MAGI2: variants seen among roughly 807,000 people sequenced by gnomAD.
The protein encoded by MAGI2 is membrane associated guanylate kinase, WW and PDZ domain containing 2.
A neutral mutation model predicts 133.3 loss-of-function variants in MAGI2; 35 were observed. The ratio of observed to expected loss-of-function variants is 0.26; its 90% CI spans 0.20 to 0.35. The LOEUF is 0.35. MAGI2 is among the 10% of genes least tolerant of loss of function. The probability of loss-of-function intolerance (pLI) is 1.00; values close to 1 mark genes in which losing one functional copy is unlikely to be tolerated. For missense variants in MAGI2, 1,636 were observed against 1,863.4 expected (o/e 0.88, Z 2.25); for synonymous variants, 729 against 710.6 (o/e 1.03, Z -0.41).
chr7:78,104,228 G>C (rs1818451558), intron 20 of MAGI2, among the ~76,000 whole-genome samples: 1 of 152,108 alleles, frequency 6.6e-6, no homozygotes, highest in African/African-American at 2.4e-5. Flanking sequence ...GATGGGGAGA[G>C]GGGCTGTTCA....
chr7:78,346,433 C>G (rs1790913140), intron 7 of MAGI2, among the ~76,000 whole-genome samples: 1 of 152,120 alleles, frequency 6.6e-6, no homozygotes, highest in African/African-American at 2.4e-5. Context: ...TTTGCAAAGT[C>G]CCCATATCCA....
At chr7:78,952,584 T>C (rs575845688) in intron 2 of MAGI2, among the ~76,000 whole-genome samples, 4 of 152,302 alleles carry the variant, frequency 2.6e-5, no homozygotes, top group African/African-American at 9.6e-5. Flanking sequence ...CTTAAGCAGT[T>C]GAAACAAATA....
chr7:78,841,329 G>A (rs535355), intron 2 of MAGI2, among the ~76,000 whole-genome samples: 86,937 of 151,908 alleles, frequency 0.57, 25,492 homozygotes, highest in East Asian at 0.73. Context: ...CTAAGTTGGG[G>A]TGGCATGGCT....
intron 6 of MAGI2, among the ~76,000 whole-genome samples, chr7:78,464,355 G>A (rs1790393438): frequency 6.6e-6 from 1 of 151,980 alleles, no homozygotes; most frequent in African/African-American, 2.4e-5. Context: ...TTTAGTTCAT[G>A]CCTTACCTGA....
At chr7:78,421,377 T>C (rs2151404481) in intron 6 of MAGI2, among the ~76,000 whole-genome samples, 1 of 152,336 alleles carries the variant, frequency 6.6e-6, no homozygotes, top group Middle Eastern at 3.4e-3. Flanking sequence ...TTAACAATTA[T>C]TGTGTGGCCA....
chr7:78,891,539 T>A (rs1394010478), intron 2 of MAGI2, among the ~76,000 whole-genome samples: 4 of 152,152 alleles, frequency 2.6e-5, no homozygotes, highest in African/African-American at 4.8e-5. Flanking sequence ...CATGATCAAG[T>A]GGGCTTTATC....
intron 6 of MAGI2, among the ~76,000 whole-genome samples, chr7:78,409,311 T>C (rs751966299): frequency 1.3e-5 from 2 of 152,082 alleles, no homozygotes; most frequent in Admixed American, 6.6e-5. Context: ...AATAAATAGA[T>C]GCCTGAAAGA....
At chr7:78,543,332 A>G (rs1320602876) in intron 3 of MAGI2, among the ~76,000 whole-genome samples, 6 of 152,236 alleles carry the variant, frequency 3.9e-5, no homozygotes, top group Non-Finnish European at 8.8e-5. Flanking sequence ...ACATTACTAG[A>G]GACATCTATC....
At chr7:78,819,413 G>GGAATTTATA (rs1227586430) in intron 2 of MAGI2, among the ~76,000 whole-genome samples, 81 of 152,154 alleles carry the variant, frequency 5.3e-4, no homozygotes, top group African/African-American at 1.8e-3. Flanking sequence ...CTAAGGGCAT[G>GGAATTTATA]GAATTTATAT....
At chr7:78,616,767 G>T (rs918763117) in intron 3 of MAGI2, 1 of 152,182 alleles carries the variant, frequency 6.6e-6, no homozygotes, top group Non-Finnish European at 1.5e-5. Flanking sequence ...ATGCCCCAGA[G>T]TCTTGGGTCA....
At chr7:78,979,161 T>A (rs1375112775) in intron 2 of MAGI2, among the ~76,000 whole-genome samples, 1 of 151,856 alleles carries the variant, frequency 6.6e-6, no homozygotes, top group Admixed American at 6.6e-5. Flanking sequence ...CTCTGTTATG[T>A]AACAGGCTTA....
In MAGI2 at chr7:78,070,172, C is replaced by T. The variant is rs112003233; in HGVS notation, c.3706+8775G>A. On this transcript the variant is annotated intron_variant, in intron 21 of 21. Coordinates refer to ENST00000354212, the MANE Select transcript of MAGI2 (RefSeq NM_012301.4). ...ATACACACATATATATACACACACA[C>T]ACATATATATATATATATATATATA... Among the ~76,000 whole-genome samples the T allele has an allele frequency of 2.0e-3, 58 of 28,896 alleles. 1 individual carries two copies. Among genetic ancestry groups the T allele is most frequent in the Non-Finnish European group, 1.3e-3 (19 of 14,756 alleles). 19.0% of individuals were successfully genotyped at this position (28,896 alleles called of 152,430 possible).
intron 7 of MAGI2, chr7:78,351,967 C>T (rs1562871956): frequency 1.3e-5 from 2 of 152,098 alleles, no homozygotes; most frequent in Non-Finnish European, 2.9e-5. Context: ...GGTATGTAAC[C>T]GTGAGCACAT....
At chr7:79,045,794 A>C (rs772612601) in intron 1 of MAGI2, among the ~76,000 whole-genome samples, 1 of 152,098 alleles carries the variant, frequency 6.6e-6, no homozygotes, top group Non-Finnish European at 1.5e-5. Flanking sequence ...TCCATCCCCC[A>C]AAAAAAGAGT....
At chr7:78,160,376 A>G in intron 15 of MAGI2, 103 bp from the exon 16 acceptor site, 2 of 1,178,186 alleles carry the variant, frequency 1.7e-6, no homozygotes, top group Admixed American at 3.2e-5. Context: ...TTGTTACAAG[A>G]CTGGTTGAAC....
At chr7:78,228,504 G>T (rs765615595) in intron 10 of MAGI2, among the ~76,000 whole-genome samples, 2 of 152,174 alleles carry the variant, frequency 1.3e-5, no homozygotes, top group East Asian at 1.9e-4. Flanking sequence ...GATAGAGCAG[G>T]TTCCTTAGAG....
chr7:78,714,669 T>C (rs1027922978), intron 2 of MAGI2, among the ~76,000 whole-genome samples: 3 of 152,196 alleles, frequency 2.0e-5, no homozygotes, highest in African/African-American at 7.2e-5. Flanking sequence ...AACCATGCAC[T>C]GTCAGCAAAT....
chr7:78,072,141 T>C (rs534761378), intron 21 of MAGI2, among the ~76,000 whole-genome samples: 1 of 152,200 alleles, frequency 6.6e-6, no homozygotes, highest in East Asian at 1.9e-4. Flanking sequence ...TTAGAAATAA[T>C]TCAGACAAGG....
chr7:78,188,930 C>G (rs1827951350), intron 12 of MAGI2, among the ~76,000 whole-genome samples: 1 of 152,124 alleles, frequency 6.6e-6, no homozygotes, highest in African/African-American at 2.4e-5. Flanking sequence ...TTTGAGCACC[C>G]TAGACAGATA....
Sources: allele counts gnomAD v4.1 joint callset (sites outside exome capture counted in the v4.1 genomes callset), GRCh38; gene constraint gnomAD v4.1.1; transcripts MANE v1.5; gene names NCBI Gene and HGNC (gene_info 2026-07-23, HGNC 2026-07-21).